GRM8: variants seen among roughly 807,000 people sequenced by gnomAD.
GRM8 encodes metabotropic glutamate receptor 8.
In GRM8, 47 loss-of-function variants were observed where a neutral mutation model predicts 87.2. That is an observed-to-expected ratio of 0.54 (90% CI 0.43 to 0.69). The LOEUF is 0.69. Among genes scored for constraint, GRM8 ranks in the 30% least tolerant of loss-of-function variants. The pLI is 0.00. For missense variants in GRM8, 1,019 were observed against 1,139.2 expected (o/e 0.89, Z 1.52); for synonymous variants, 396 against 404.5 (o/e 0.98, Z 0.25).
At chr7:126,937,654 C>A (rs1409661464) in intron 3 of GRM8, among the ~76,000 whole-genome samples, 5 of 152,136 alleles carry the variant, frequency 3.3e-5, no homozygotes, top group Non-Finnish European at 5.9e-5. Context: ...TAGTTCTTGC[C>A]CAGAGAAATG....
At chr7:126,996,871 A>G (rs1813225778) in intron 3 of GRM8, among the ~76,000 whole-genome samples, 1 of 151,968 alleles carries the variant, frequency 6.6e-6, no homozygotes, top group South Asian at 2.1e-4. Context: ...CACTTTCAAC[A>G]TTGTTGATTT....
intron 3 of GRM8, among the ~76,000 whole-genome samples, chr7:127,008,514 T>C (rs1387936206): frequency 1.3e-5 from 2 of 152,144 alleles, no homozygotes; most frequent in African/African-American, 4.8e-5. Flanking sequence ...GTGAAAAGTA[T>C]GTGCTGTTCT....
At chr7:126,903,884 T>C in intron 5 of GRM8, 88 bp downstream of exon 5, 1 of 749,892 alleles carries the variant, frequency 1.3e-6, no homozygotes, top group South Asian at 2.1e-5. Flanking sequence ...CAGTAATGAG[T>C]GCATTTCCTC....
At chr7:126,637,503 T>A (rs948135011) in intron 7 of GRM8, among the ~76,000 whole-genome samples, 1 of 152,104 alleles carries the variant, frequency 6.6e-6, no homozygotes, top group African/African-American at 2.4e-5. Context: ...AAATAAATAA[T>A]GGTTCTGGAT....
intron 3 of GRM8, among the ~76,000 whole-genome samples, chr7:126,938,234 G>A (rs1311861409): frequency 6.6e-6 from 1 of 152,138 alleles, no homozygotes; most frequent in Non-Finnish European, 1.5e-5. Context: ...ATGCAGATGT[G>A]AAGGAGGGTG....
At chr7:126,763,441 TCATATATATATATATATATA>T (rs1817805331) in intron 7 of GRM8, among the ~76,000 whole-genome samples, 1 of 72,934 alleles carries the variant, frequency 1.4e-5, no homozygotes, top group African/African-American at 5.1e-5. Context: ...TATGATAAAT[TCATATATATATATATATATA>T]TATATATATA....
intron 9 of GRM8, among the ~76,000 whole-genome samples, chr7:126,520,878 C>T (rs930842915): frequency 3.9e-5 from 6 of 152,006 alleles, no homozygotes; most frequent in African/African-American, 1.2e-4. Flanking sequence ...GTAATTATTT[C>T]GTGCTTTTTA....
intron 2 of GRM8, among the ~76,000 whole-genome samples, chr7:127,191,072 T>C (rs768387624): frequency 6.6e-6 from 1 of 152,190 alleles, no homozygotes; most frequent in Non-Finnish European, 1.5e-5. Flanking sequence ...TTTCAGTATT[T>C]TAAATTTAAT....
At chr7:126,828,786 G>A (rs538120532) in intron 6 of GRM8, among the ~76,000 whole-genome samples, 3 of 152,152 alleles carry the variant, frequency 2.0e-5, no homozygotes, top group East Asian at 3.9e-4. Context: ...TCTTTTAATT[G>A]TGATGTTAGG....
At chr7:126,680,950 C>A (rs1807495260) in intron 7 of GRM8, among the ~76,000 whole-genome samples, 1 of 152,170 alleles carries the variant, frequency 6.6e-6, no homozygotes, top group Admixed American at 6.6e-5. Context: ...ATCACTACCG[C>A]CTTTCCCCTG....
intron 8 of GRM8, among the ~76,000 whole-genome samples, chr7:126,570,687 C>G (rs1794620920): frequency 6.6e-6 from 1 of 152,192 alleles, no homozygotes. Flanking sequence ...GGAGCATTCT[C>G]TGGCATTCCC....
chr7:126,446,472 T>C (rs1252836187), intron 9 of GRM8, 100 bp from the exon 10 acceptor site: 6 of 753,628 alleles, frequency 8.0e-6, no homozygotes, highest in Non-Finnish European at 1.3e-5. Context: ...GCTTCTCTGC[T>C]AAAGGCACAT....
intron 7 of GRM8, among the ~76,000 whole-genome samples, chr7:126,700,616 A>G (rs1045390850): frequency 2.0e-5 from 3 of 152,142 alleles, no homozygotes; most frequent in Admixed American, 2.0e-4. Context: ...ACATAATTTG[A>G]TGAGGGTGAT....
At chr7:126,984,401 C>G (rs1240380040) in intron 3 of GRM8, among the ~76,000 whole-genome samples, 2 of 152,150 alleles carry the variant, frequency 1.3e-5, no homozygotes, top group East Asian at 3.9e-4. Flanking sequence ...AAGGCAGACC[C>G]ACCCTCAATC....
At chr7:126,822,267 T>A (rs1031393838) in intron 6 of GRM8, among the ~76,000 whole-genome samples, 2 of 152,174 alleles carry the variant, frequency 1.3e-5, no homozygotes, top group Non-Finnish European at 2.9e-5. Context: ...AGAACTCTCT[T>A]GTCATTTAAA....
At chr7:127,106,941 T>C (rs1025454733) in intron 2 of GRM8, among the ~76,000 whole-genome samples, 9 of 152,264 alleles carry the variant, frequency 5.9e-5, no homozygotes, top group Admixed American at 5.2e-4. Context: ...AATTTCATTT[T>C]GCTTTAGTTT....
At chr7:126,912,445 G>A (rs1420940168) in intron 3 of GRM8, among the ~76,000 whole-genome samples, 1 of 152,160 alleles carries the variant, frequency 6.6e-6, no homozygotes, top group African/African-American at 2.4e-5. Flanking sequence ...GGTTTTCTTG[G>A]GTCTCCAATT....
intron 6 of GRM8, among the ~76,000 whole-genome samples, chr7:126,848,057 G>A (rs1411341762): frequency 1.3e-5 from 2 of 152,196 alleles, no homozygotes; most frequent in Admixed American, 1.3e-4. Context: ...GTGAGAACTA[G>A]TGTGATGATA....
chr7:126,503,571 A>G (rs1809962826), intron 9 of GRM8, among the ~76,000 whole-genome samples: 1 of 152,098 alleles, frequency 6.6e-6, no homozygotes, highest in African/African-American at 2.4e-5. Context: ...CTTTATTCAT[A>G]AATCTGGCAT....
Sources: gnomAD v4.1 joint callset for allele counts (sites outside exome capture counted in the v4.1 genomes callset) on GRCh38, gnomAD v4.1.1 for gene constraint, MANE v1.5 for transcripts, NCBI Gene and HGNC (gene_info 2026-07-23, HGNC 2026-07-21) for gene names.